ZNF639: variants seen among roughly 807,000 people sequenced by gnomAD.
ZNF639 encodes the protein zinc finger protein 639, also known as zinc finger amplified in esophageal squamous cell carcinomas 1.
ZNF639 carries 20 observed loss-of-function variants against 39.8 expected under a neutral mutation model. The observed-to-expected ratio is 0.50, with a 90% CI of 0.35 to 0.73. The LOEUF (loss-of-function observed/expected upper bound fraction) is 0.73, where lower values mean the gene tolerates loss of function less well. Ranked by LOEUF, ZNF639 falls within the 30% of genes least tolerant of loss-of-function variation. The pLI is 0.00. For missense variants in ZNF639, 477 were observed against 566.2 expected (o/e 0.84, Z 1.60); for synonymous variants, 176 against 189.8 (o/e 0.93, Z 0.60).
chr3:179,331,996 C>T (rs931836286), intron 4 of ZNF639, among the ~76,000 whole-genome samples: 2 of 152,106 alleles, frequency 1.3e-5, no homozygotes, highest in African/African-American at 4.8e-5. Context: ...ATTCCATTAG[C>T]AAGGCATCCT....
rs1727367769 is a variant in ZNF639, at chr3:179,323,072, T to TG, written c.-301dup. The TG allele has an allele frequency of 1.0e-6, 1 of 984,838 alleles. No homozygotes were observed. The allele number at this position is 984,838 out of a possible 1,614,324, so 61.0% of individuals were successfully genotyped here. A position where few individuals can be genotyped will look rare whatever the true frequency, so the allele number is the denominator to read the frequency against. ...GCGCGGAGCGTGGCGGCCAGGGCAG[T>TG]GCGGCCGCGGAGCCTAGGCCAGGGG... On this transcript the variant is annotated 5_prime_UTR_variant, in exon 1 of 6. Coordinates refer to ENST00000496856, the MANE Select transcript of ZNF639 (RefSeq NM_001303426.2).
intron 1 of ZNF639, chr3:179,323,828 G>T (rs966703981): frequency 2.0e-5 from 3 of 151,414 alleles, no homozygotes; most frequent in African/African-American, 7.4e-5. Flanking sequence ...CCTGAGAGTC[G>T]CCTCACTCGT....
At position 179,323,205 on chromosome 3, in the gene ZNF639, G is replaced by A. The variant is rs1356680310; in HGVS notation, c.-169G>A. 1.0e-5 allele frequency: 10 copies of A among 984,944 alleles called. No homozygotes were observed. Among genetic ancestry groups the A allele is most frequent in the Non-Finnish European group, 1.2e-5 (10 of 829,944 alleles). 61.0% of individuals were successfully genotyped at this position (984,944 alleles called of 1,614,324 possible). On this transcript the variant is annotated 5_prime_UTR_variant, in exon 1 of 6. Transcript: ENST00000496856. ...CGCTGCCCGCCGCCGTGCGTCCGCGGGAAGGACCGCGCGGCCCCTCCGCCT... is the reference window on the plus strand; with the variant it reads ...CGCTGCCCGCCGCCGTGCGTCCGCGAGAAGGACCGCGCGGCCCCTCCGCCT...
chr3:179,326,307 G>A (rs1283890833), intron 1 of ZNF639, among the ~76,000 whole-genome samples: 1 of 152,120 alleles, frequency 6.6e-6, no homozygotes, highest in Non-Finnish European at 1.5e-5. Flanking sequence ...GTTGCAATGA[G>A]CCAAGATCGT....
chr3:179,333,048 G>A lies in ZNF639; in HGVS notation c.229G>A (p.Ala77Thr), dbSNP rs1269339306. ...DLPKFADGIK[A>T]RNRNQNYLVP... Reference sequence around the variant, plus strand: ...GCCAAAATTTGCAGATGGAATCAAGGCCAGAAACAGAAATCAGAACTACCT... The same window carrying A: ...GCCAAAATTTGCAGATGGAATCAAGACCAGAAACAGAAATCAGAACTACCT... Residue 77 changes from alanine (A) to threonine (T), a missense_variant, in exon 5 of 6, where the codon GCC (alanine) becomes ACC (threonine). Coordinates refer to ENST00000496856, the MANE Select transcript of ZNF639 (RefSeq NM_001303426.2). 6.4e-7 allele frequency: 1 copy of A among 1,567,668 alleles called. No individual in the cohort carries two copies. Among genetic ancestry groups the A allele is most frequent in the East Asian group, 2.4e-5 (1 of 42,174 alleles).
At position 179,338,486 on chromosome 3, in the gene ZNF639, TCA is replaced by T. The variant is rs1346284715; in HGVS notation, c.*4067_*4068del. ...CTGAATTGTATATTATTTGTCAATT[TCA>T]CAGTTTCTATAATCTATTGTTTGCT... On this transcript the variant is annotated 3_prime_UTR_variant, in exon 6 of 6. Coordinates refer to ENST00000496856, the MANE Select transcript of ZNF639 (RefSeq NM_001303426.2). 2 of 152,214 alleles carry T rather than the reference TCA, an allele frequency of 1.3e-5. No homozygotes were observed. The highest frequency in any genetic ancestry group is 6.5e-5 in the Admixed American group (1 of 15,274). The allele number at this position is 152,214 out of a possible 1,614,324, so 9.4% of individuals were successfully genotyped here. A position where few individuals can be genotyped will look rare whatever the true frequency, so the allele number is the denominator to read the frequency against.
intron 1 of ZNF639, among the ~76,000 whole-genome samples, chr3:179,324,322 G>A (rs987801444): frequency 1.3e-5 from 2 of 152,148 alleles, no homozygotes; most frequent in African/African-American, 4.8e-5. Context: ...CAGGTGGAAA[G>A]ATGTTGGTTT....
Position 179,333,389 on chromosome 3 carries a change from T to C in ZNF639, c.425T>C (p.Val142Ala), listed in dbSNP as rs952263028. ...ACTGCTGAAGATGTTCCAATTGCTG[T>C]AGAAGTGCATGCGATTTCTGAGGAT... ...VHTAEDVPIAVEVHAISEDYD... is the reference protein window; with the variant it reads ...VHTAEDVPIAAEVHAISEDYD... The change falls in exon 6 of 6, where the codon GTA becomes GCA. Residue 142 changes from valine (V) to alanine (A), a missense_variant. Coordinates refer to ENST00000496856, the MANE Select transcript of ZNF639 (RefSeq NM_001303426.2). 1 of 1,614,158 alleles carries C rather than the reference T, an allele frequency of 6.2e-7. No homozygotes were observed. Among genetic ancestry groups the C allele is most frequent in the South Asian group, 1.1e-5 (1 of 91,078 alleles).
At position 179,333,037 on chromosome 3, in the gene ZNF639, A is replaced by G; in HGVS notation, c.218A>G (p.Asp73Gly). 1 of 1,562,292 alleles carries G rather than the reference A, an allele frequency of 6.4e-7. No individual in the cohort carries two copies. Among genetic ancestry groups the G allele is most frequent in the Non-Finnish European group, 8.7e-7 (1 of 1,152,000 alleles). ...TCAAATGACTTGCCAAAATTTGCAG[A>G]TGGAATCAAGGCCAGAAACAGAAAT... Reference protein sequence around the residue: ...ETSNDLPKFADGIKARNRNQN... With the variant: ...ETSNDLPKFAGGIKARNRNQN... Residue 73 changes from aspartate (D) to glycine (G), a missense_variant, in exon 5 of 6, where the codon GAT (aspartate) becomes GGT (glycine). Coordinates refer to ENST00000496856, the MANE Select transcript of ZNF639 (RefSeq NM_001303426.2).
Position 179,327,069 on chromosome 3 carries a change from A to T in ZNF639, c.-82-492A>T, listed in dbSNP as rs189731318. Reference sequence around the variant, plus strand: ...GCCCGGTGTGGTGCCACATGCCTGTAATCCCAGCTACTTGGGAGGCTGAGG... The same window carrying T: ...GCCCGGTGTGGTGCCACATGCCTGTTATCCCAGCTACTTGGGAGGCTGAGG... On this transcript the variant is annotated intron_variant, in intron 1 of 5. Coordinates refer to ENST00000496856, the MANE Select transcript of ZNF639 (RefSeq NM_001303426.2). Among the ~76,000 whole-genome samples, 308 of 152,084 alleles carry T rather than the reference A, an allele frequency of 2.0e-3. 1 individual carries two copies. The highest frequency in any genetic ancestry group is 6.8e-3 in the African/African-American group (282 of 41,540).
Position 179,334,285 on chromosome 3 carries a change from G to A in ZNF639, c.1321G>A (p.Gly441Arg). Residue 441 changes from glycine (G) to arginine (R), a missense_variant, in exon 6 of 6, where the codon GGA becomes AGA. Transcript: ENST00000496856. Reference protein sequence around the residue: ...YLCQYCEYSTGQIEDLKIHLD... With the variant: ...YLCQYCEYSTRQIEDLKIHLD... ...ATGTCAATATTGTGAATATTCAACA[G>A]GACAAATTGAAGATCTTAAAATTCA... The A allele has an allele frequency of 6.2e-7, 1 of 1,612,694 alleles. No homozygotes were observed. The highest frequency in any genetic ancestry group is 8.5e-7 in the Non-Finnish European group (1 of 1,179,304).
Position 179,334,236 on chromosome 3 carries a change from AC to A in ZNF639, c.1273del (p.His425IlefsTer26). ...TAGAATATTGCAAGCATTTAAATTC[AC>A]ATTTATCTGAAGGGATTTATTTATG... is the stretch of plus-strand genomic sequence containing the variant. Reference protein sequence around the residue: ...MLEYCKHLNSHLSEGIYLCQY... With the variant: ...MLEYCKHLNSXLSEGIYLCQY... On this transcript the variant is annotated frameshift_variant, in exon 6 of 6. Transcript: ENST00000496856. LOFTEE classifies it high-confidence loss of function. The A allele has an allele frequency of 1.2e-6, 2 of 1,612,734 alleles. No individual in the cohort carries two copies. The highest frequency in any genetic ancestry group is 1.7e-6 in the Non-Finnish European group (2 of 1,179,286).
Position 179,333,667 on chromosome 3 carries a change from T to C in ZNF639, c.703T>C (p.Cys235Arg). 4 of 1,614,198 alleles carry C rather than the reference T, an allele frequency of 2.5e-6. No individual in the cohort carries two copies. The highest frequency in any genetic ancestry group is 3.4e-6 in the Non-Finnish European group (4 of 1,180,036). Residue 235 changes from cysteine (C) to arginine (R), a missense_variant, in exon 6 of 6, where the codon TGT (cysteine) becomes CGT (arginine). By Grantham distance (180) the Cys-to-Arg change is radical. Transcript: ENST00000496856. ...GCATAAACGTACTGATTCAAATGTG[T>C]GTCGAGTATGCAAGGAAAGTTTCTC... ...LKHKRTDSNV[C>R]RVCKESFSTN...
Position 179,335,078 on chromosome 3 carries a change from C to T in ZNF639, c.*656C>T, listed in dbSNP as rs1728145032. ...TGATGTTTCATTTTCTGTTGAGGAA[C>T]CATAAATTCATTCACAGACTTAATA... On this transcript the variant is annotated 3_prime_UTR_variant, in exon 6 of 6. Transcript: ENST00000496856. 1 of 152,130 alleles carries T rather than the reference C, an allele frequency of 6.6e-6. No homozygotes were observed. The highest frequency in any genetic ancestry group is 2.4e-5 in the African/African-American group (1 of 41,420). 9.4% of individuals were successfully genotyped at this position (152,130 alleles called of 1,614,324 possible). A position where few individuals can be genotyped will look rare whatever the true frequency, so the allele number is the denominator to read the frequency against.
chr3:179,326,736 C>T (rs528298979), intron 1 of ZNF639, among the ~76,000 whole-genome samples: 1 of 151,996 alleles, frequency 6.6e-6, no homozygotes, highest in East Asian at 2.0e-4. Flanking sequence ...AGCCATTCTC[C>T]TGCCTCAGCC....
intron 4 of ZNF639, 181 bp downstream of exon 4, chr3:179,329,909 C>CTTTTTTTTTTTTTTTTTTTTT (rs71181282): frequency 5.0e-6 from 1 of 201,806 alleles, no homozygotes; most frequent in East Asian, 1.0e-4. Context: ...TTTAACTATT[C>CTTTTTTTTTTTTTTTTTTTTT]TTTTTTTTTT....
At position 179,332,979 on chromosome 3, in the gene ZNF639, C is replaced by CT; in HGVS notation, c.170-5dup. ...AAATAATAAGTATTCTTCCAAATCC[C>CT]TTTTTACAGATGATGATTCTGATAC... On this transcript the variant is annotated splice_polypyrimidine_tract_variant and intron_variant, in intron 4 of 5. Coordinates refer to ENST00000496856, the MANE Select transcript of ZNF639 (RefSeq NM_001303426.2). 1 of 1,538,200 alleles carries CT rather than the reference C, an allele frequency of 6.5e-7. No homozygotes were observed. The highest frequency in any genetic ancestry group is 8.8e-7 in the Non-Finnish European group (1 of 1,142,744).
chr3:179,324,168 C>G (rs1252697437), intron 1 of ZNF639, among the ~76,000 whole-genome samples: 2 of 152,116 alleles, frequency 1.3e-5, no homozygotes, highest in Admixed American at 6.5e-5. Context: ...GAGTTATTTA[C>G]TGTAAAGACG....
chr3:179,332,737 T>G (rs1290739674), intron 4 of ZNF639, among the ~76,000 whole-genome samples: 1 of 152,192 alleles, frequency 6.6e-6, no homozygotes, highest in Non-Finnish European at 1.5e-5. Context: ...AACTCAGTAA[T>G]TTAAACTTAA....
Sources: allele counts gnomAD v4.1 joint callset (sites outside exome capture counted in the v4.1 genomes callset), GRCh38; gene constraint gnomAD v4.1.1; transcripts MANE v1.5; gene names NCBI Gene and HGNC (gene_info 2026-07-23, HGNC 2026-07-21).